Variants in NEGR1 observed in about 807,000 individuals in gnomAD.
The protein encoded by NEGR1 is neuronal growth regulator 1, also known as IgLON family member 4.
In NEGR1, 10 loss-of-function variants were observed where a neutral mutation model predicts 40.9. The ratio of observed to expected loss-of-function variants is 0.24; its 90% confidence interval spans 0.15 to 0.42. The LOEUF is 0.42. Among genes scored for constraint, NEGR1 ranks in the 10% least tolerant of loss-of-function variants. The pLI is 1.00. For missense variants in NEGR1, 352 were observed against 438.9 expected (o/e 0.80, Z 1.77); for synonymous variants, 185 against 166.8 (o/e 1.11, Z -0.84).
intron 6 of NEGR1, among the ~76,000 whole-genome samples, chr1:71,506,633 CCTGCCAGT>C (rs1165088068): frequency 6.6e-6 from 1 of 152,082 alleles, no homozygotes; most frequent in Non-Finnish European, 1.5e-5. Context: ...TTGCCTGAAT[CCTGCCAGT>C]TTCCTATGGA....
intron 1 of NEGR1, among the ~76,000 whole-genome samples, chr1:72,222,032 G>A (rs1035696139): frequency 6.6e-6 from 1 of 152,048 alleles, no homozygotes; most frequent in African/African-American, 2.4e-5. Context: ...CTGACACTGG[G>A]CTGGTAGTCA....
intron 1 of NEGR1, chr1:72,275,278 G>T: frequency 2.0e-6 from 1 of 501,690 alleles, no homozygotes; most frequent in South Asian, 2.5e-5. Flanking sequence ...TTCTGTAATA[G>T]ATACAGCAGA....
intron 4 of NEGR1, among the ~76,000 whole-genome samples, chr1:71,681,029 A>G (rs1456066486): frequency 1.3e-5 from 2 of 152,218 alleles, no homozygotes; most frequent in Non-Finnish European, 2.9e-5. Flanking sequence ...CCTGTGCACA[A>G]GTTTTCCATG....
intron 1 of NEGR1, among the ~76,000 whole-genome samples, chr1:72,146,771 T>C (rs996956844): frequency 6.6e-6 from 1 of 152,224 alleles, no homozygotes; most frequent in African/African-American, 2.4e-5. Context: ...TCAACCTCTA[T>C]TGTATCTGTA....
intron 3 of NEGR1, among the ~76,000 whole-genome samples, chr1:71,754,085 C>A (rs562565451): frequency 1.3e-5 from 2 of 151,764 alleles, no homozygotes; most frequent in Non-Finnish European, 2.9e-5. Flanking sequence ...AGAGGAGACT[C>A]GAAGGTTTCC....
At position 71,656,286 on chromosome 1, in the gene NEGR1, C is replaced by A. The variant is rs145178857; in HGVS notation, c.667+41722G>T. The stretch of plus-strand genomic sequence containing the variant: ...TAGAAGGAAAGACAGTTCTGATGGC[C>A]CCTATTCTCCTTCTAACAGGAAAGA... On this transcript the variant is annotated intron_variant, in intron 4 of 6. Transcript: ENST00000357731. 8.1e-3 allele frequency among the ~76,000 whole-genome samples: 1,233 copies of A among 152,234 alleles called. 15 individuals carry two copies. The highest frequency in any genetic ancestry group is 8.4e-3 in the Non-Finnish European group (569 of 68,018).
intron 1 of NEGR1, among the ~76,000 whole-genome samples, chr1:72,041,912 A>G (rs1434850321): frequency 6.9e-6 from 1 of 145,100 alleles, no homozygotes; most frequent in Non-Finnish European, 1.5e-5. Context: ...TTTCAAATAT[A>G]TATTACATGT....
At chr1:72,274,542 A>T in intron 1 of NEGR1, 5 of 730,042 alleles carry the variant, frequency 6.8e-6, no homozygotes. Flanking sequence ...GTTTGTTTAA[A>T]ACTGATCCAA....
chr1:71,618,319 C>A (rs1650508251), intron 4 of NEGR1, among the ~76,000 whole-genome samples: 2 of 152,146 alleles, frequency 1.3e-5, no homozygotes, highest in Admixed American at 6.6e-5. Context: ...GACTCACTTA[C>A]TTGAGATTAC....
chr1:72,278,803 T>C (rs1415970751), intron 1 of NEGR1, among the ~76,000 whole-genome samples: 1 of 152,144 alleles, frequency 6.6e-6, no homozygotes, highest in African/African-American at 2.4e-5. Flanking sequence ...TAAAATACTG[T>C]ATATATTAAA....
chr1:71,663,936 C>A (rs1396235987), intron 4 of NEGR1, among the ~76,000 whole-genome samples: 1 of 152,116 alleles, frequency 6.6e-6, no homozygotes, highest in African/African-American at 2.4e-5. Context: ...GGATTCTATA[C>A]AAGCAATATA....
At chr1:72,107,353 AT>A (rs1649176887) in intron 1 of NEGR1, among the ~76,000 whole-genome samples, 1 of 151,700 alleles carries the variant, frequency 6.6e-6, no homozygotes, top group South Asian at 2.1e-4. Flanking sequence ...AAAACATTGT[AT>A]TGAACAACAT....
intron 1 of NEGR1, among the ~76,000 whole-genome samples, chr1:72,245,560 G>A (rs957381616): frequency 6.6e-6 from 1 of 151,884 alleles, no homozygotes. Context: ...TCTCAACTAG[G>A]CATCAACTTT....
intron 3 of NEGR1, among the ~76,000 whole-genome samples, chr1:71,721,725 G>A (rs1057247585): frequency 5.9e-5 from 9 of 152,082 alleles, no homozygotes; most frequent in African/African-American, 2.2e-4. Flanking sequence ...TAACCTGTAG[G>A]AGGCCACATT....
intron 6 of NEGR1, among the ~76,000 whole-genome samples, chr1:71,577,238 A>G (rs1180582921): frequency 6.6e-6 from 1 of 152,224 alleles, no homozygotes; most frequent in Non-Finnish European, 1.5e-5. Flanking sequence ...CTTTGGTTGA[A>G]TAGAATTTTA....
In NEGR1 at chr1:71,404,017, G is replaced by A. The variant is rs971144080; in HGVS notation, c.*3429C>T. 3.0e-6 allele frequency: 1 copy of A among 334,352 alleles called. No individual in the cohort carries two copies. The highest frequency in any genetic ancestry group is 5.5e-6 in the Non-Finnish European group (1 of 182,734). 20.7% of individuals were successfully genotyped at this position (334,352 alleles called of 1,614,324 possible). A position where few individuals can be genotyped will look rare whatever the true frequency, so the allele number is the denominator to read the frequency against. The stretch of plus-strand genomic sequence containing the variant: ...AATTTTTATTGAAAAGATTAAATAG[G>A]TAACTTTTGGCTGTGTCACAAAGCT... On this transcript the variant is annotated 3_prime_UTR_variant, in exon 7 of 7. Transcript: ENST00000357731.
chr1:71,567,699 A>G (rs1204808433), intron 6 of NEGR1, among the ~76,000 whole-genome samples: 2 of 152,190 alleles, frequency 1.3e-5, no homozygotes, highest in African/African-American at 4.8e-5. Context: ...AGTGCAATAT[A>G]CACTAAATGT....
At chr1:72,182,297 C>A (rs1253805834) in intron 1 of NEGR1, among the ~76,000 whole-genome samples, 1 of 152,094 alleles carries the variant, frequency 6.6e-6, no homozygotes, top group African/African-American at 2.4e-5. Flanking sequence ...AGCTCAAAAC[C>A]AGCCTGACCA....
At chr1:71,660,942 C>T (rs1368946077) in intron 4 of NEGR1, among the ~76,000 whole-genome samples, 2 of 152,194 alleles carry the variant, frequency 1.3e-5, no homozygotes, top group Non-Finnish European at 2.9e-5. Flanking sequence ...TGAATGAGAA[C>T]ATGCAGTGTT....
Sources: gnomAD v4.1 joint callset for allele counts (sites outside exome capture counted in the v4.1 genomes callset) on GRCh38, gnomAD v4.1.1 for gene constraint, MANE v1.5 for transcripts, NCBI Gene and HGNC (gene_info 2026-07-23, HGNC 2026-07-21) for gene names.